The following PLXDC2 variants were observed in gnomAD, a reference collection of about 807,000 sequenced individuals.
PLXDC2 encodes the protein plexin domain-containing protein 2.
In PLXDC2, 40 loss-of-function variants were observed where a neutral mutation model predicts 68.9. The observed-to-expected ratio is 0.58, with a 90% confidence interval of 0.45 to 0.76. The LOEUF (loss-of-function observed/expected upper bound fraction) is 0.76, where lower values mean the gene tolerates loss of function less well. Among genes scored for constraint, PLXDC2 ranks in the 30% least tolerant of loss-of-function variants. PLXDC2 has a pLI of 0.00. For synonymous variants in PLXDC2, 243 were observed against 234.2 expected, an observed-to-expected ratio of 1.04 and a Z score of -0.34; for missense variants, 644 against 661.9, an observed-to-expected ratio of 0.97 and a Z score of 0.30.
At chr10:20,053,581 TG>T (rs1269728936) in intron 3 of PLXDC2, among the ~76,000 whole-genome samples, 1 of 152,164 alleles carries the variant, frequency 6.6e-6, no homozygotes, top group Non-Finnish European at 1.5e-5. Context: ...CACGTTTTTG[TG>T]ATTTTCCTCT....
At chr10:20,131,635 G>A (rs1290250783) in intron 4 of PLXDC2, among the ~76,000 whole-genome samples, 2 of 152,090 alleles carry the variant, frequency 1.3e-5, no homozygotes, top group East Asian at 1.9e-4. Flanking sequence ...CCTGACCTCA[G>A]GTGATCCACC....
chr10:20,037,546 A>G (rs1455089357), intron 2 of PLXDC2, among the ~76,000 whole-genome samples: 1 of 152,128 alleles, frequency 6.6e-6, no homozygotes, highest in East Asian at 1.9e-4. Context: ...CTCATTCTTG[A>G]AAAGGTTCAA....
At chr10:19,838,025 G>T (rs447706) in intron 1 of PLXDC2, among the ~76,000 whole-genome samples, 41,688 of 151,998 alleles carry the variant, frequency 0.27, 6,322 homozygotes, top group East Asian at 0.46. Context: ...TTGAGACAGG[G>T]TCTCATTCTA....
chr10:20,049,398 T>C (rs1442515507), intron 3 of PLXDC2, among the ~76,000 whole-genome samples: 1 of 152,024 alleles, frequency 6.6e-6, no homozygotes, highest in Non-Finnish European at 1.5e-5. Flanking sequence ...AGCATCCAAA[T>C]AGGTAGAGAG....
At chr10:19,945,617 T>A (rs1374366120) in intron 1 of PLXDC2, among the ~76,000 whole-genome samples, 2 of 152,186 alleles carry the variant, frequency 1.3e-5, no homozygotes, top group East Asian at 3.9e-4. Context: ...GAGAGTGGTT[T>A]GTTATGTGAC....
At chr10:19,976,232 G>A (rs1351437316) in intron 1 of PLXDC2, among the ~76,000 whole-genome samples, 1 of 151,418 alleles carries the variant, frequency 6.6e-6, no homozygotes. Context: ...TTGTTTTTTT[G>A]AGACAGAGTC....
intron 12 of PLXDC2, among the ~76,000 whole-genome samples, chr10:20,229,237 T>C (rs1406611599): frequency 6.6e-6 from 1 of 152,062 alleles, no homozygotes; most frequent in Non-Finnish European, 1.5e-5. Context: ...CATCTAAGAT[T>C]GCTCTTTTCT....
At chr10:19,821,196 G>A (rs992961823) in intron 1 of PLXDC2, among the ~76,000 whole-genome samples, 1 of 152,154 alleles carries the variant, frequency 6.6e-6, no homozygotes, top group Admixed American at 6.5e-5. Context: ...ATTGCCTGTG[G>A]CCTCAAGCAC....
intron 2 of PLXDC2, among the ~76,000 whole-genome samples, chr10:20,021,802 C>A (rs12766293): frequency 0.065 from 9,924 of 151,958 alleles, 393 homozygotes; most frequent in Middle Eastern, 0.13. Context: ...TGGTTCAAGC[C>A]ATTCTCCTGT....
At chr10:20,120,427 A>G (rs1457436645) in intron 4 of PLXDC2, among the ~76,000 whole-genome samples, 7 of 152,230 alleles carry the variant, frequency 4.6e-5, no homozygotes, top group African/African-American at 1.7e-4. Context: ...CATAAGGGAT[A>G]TAAAGGTTTC....
chr10:20,123,695 G>A (rs903773520), intron 4 of PLXDC2, among the ~76,000 whole-genome samples: 3 of 152,028 alleles, frequency 2.0e-5, no homozygotes, highest in African/African-American at 4.8e-5. Flanking sequence ...GGAGGGAAGG[G>A]GTTCGGGGGT....
chr10:20,087,944 C>T (rs1174041806), intron 4 of PLXDC2, among the ~76,000 whole-genome samples: 3 of 152,130 alleles, frequency 2.0e-5, no homozygotes, highest in African/African-American at 7.2e-5. Flanking sequence ...GGTCACACTG[C>T]CATCTTCATG....
chr10:20,034,765 A>G (rs907223474), intron 2 of PLXDC2, among the ~76,000 whole-genome samples: 18 of 152,182 alleles, frequency 1.2e-4, no homozygotes, highest in Admixed American at 6.6e-5. Flanking sequence ...TTTTTACCGT[A>G]ACTTTTCTGT....
At chr10:20,085,446 G>A (rs1254537298) in intron 4 of PLXDC2, among the ~76,000 whole-genome samples, 4 of 152,132 alleles carry the variant, frequency 2.6e-5, no homozygotes, top group Non-Finnish European at 4.4e-5. Context: ...TAGAAGGTGA[G>A]GGAAGGGGAA....
intron 2 of PLXDC2, among the ~76,000 whole-genome samples, chr10:20,018,339 A>G (rs970372007): frequency 6.6e-6 from 1 of 152,106 alleles, no homozygotes; most frequent in South Asian, 2.1e-4. Flanking sequence ...TGATTCTTGG[A>G]TATATATTCC....
Position 19,817,399 on chromosome 10 carries a change from CT to C in PLXDC2, c.112+211del, listed in dbSNP as rs533372254. ...CCGGGGACTAGGGGTTTTCTTGAGG[CT>C]TTCGGGCTTACTTCACCTGGGCGGC... On this transcript the variant is annotated intron_variant, in intron 1 of 13. Transcript: ENST00000377252. Among the ~76,000 whole-genome samples the C allele has an allele frequency of 7.0e-4, 106 of 152,192 alleles. No homozygotes were observed. In the Middle Eastern group the frequency reaches 0.014, roughly 20 times the overall value.
intron 4 of PLXDC2, among the ~76,000 whole-genome samples, chr10:20,085,315 C>T (rs778603606): frequency 6.6e-6 from 1 of 152,014 alleles, no homozygotes; most frequent in African/African-American, 2.4e-5. Flanking sequence ...TAGAATGCAT[C>T]GCAGACGCTG....
chr10:19,871,196 C>T (rs1026093386), intron 1 of PLXDC2, among the ~76,000 whole-genome samples: 5 of 152,176 alleles, frequency 3.3e-5, no homozygotes, highest in Non-Finnish European at 5.9e-5. Context: ...TCCTAAAGAA[C>T]AGCACCATTT....
In PLXDC2 at chr10:20,183,091, A is replaced by G. The variant is rs1413641225; in HGVS notation, c.1061+5682A>G. Among the ~76,000 whole-genome samples the G allele has an allele frequency of 2.0e-5, 3 of 151,976 alleles. No homozygotes were observed. The East Asian group carries it at 5.8e-4, about 30-fold the overall frequency. On this transcript the variant is annotated intron_variant, in intron 9 of 13. Transcript: ENST00000377252. ...TTTGAGATGGGTAAGACAGCACAAG[A>G]AATAAAGACTAGGATGAAAAGAAAT... is the stretch of plus-strand genomic sequence containing the variant.
Sources: allele counts gnomAD v4.1 joint callset (sites outside exome capture counted in the v4.1 genomes callset), GRCh38; gene constraint gnomAD v4.1.1; transcripts MANE v1.5; gene names NCBI Gene and HGNC (gene_info 2026-07-23, HGNC 2026-07-21).